The following NWD2 variants were observed in gnomAD, a reference collection of about 807,000 sequenced individuals.
NWD2 encodes NACHT and WD repeat domain-containing protein 2.
NWD2 carries 37 observed loss-of-function variants against 132.7 expected under a neutral mutation model. That is an observed-to-expected ratio of 0.28 (90% CI 0.21 to 0.37). NWD2 has a LOEUF of 0.37. Among genes scored for constraint, NWD2 ranks in the 10% least tolerant of loss-of-function variants. The probability of loss-of-function intolerance (pLI) is 1.00; values close to 1 mark genes in which losing one functional copy is unlikely to be tolerated. For synonymous variants in NWD2, 705 were observed against 803.0 expected (o/e 0.88, Z 2.06); for missense variants, 1,592 against 2,122.4 (o/e 0.75, Z 4.91).
chr4:37,426,652 G>T (rs1279869924), intron 3 of NWD2, among the ~76,000 whole-genome samples: 1 of 152,052 alleles, frequency 6.6e-6, no homozygotes, highest in Non-Finnish European at 1.5e-5. Flanking sequence ...TATATGCACT[G>T]CCCATAGCAA....
intron 2 of NWD2, among the ~76,000 whole-genome samples, chr4:37,345,999 T>A (rs538714745): frequency 4.5e-4 from 68 of 151,882 alleles, no homozygotes; most frequent in African/African-American, 1.6e-3. Flanking sequence ...GGAGAATCGC[T>A]TGAACCTGGG....
At chr4:37,399,132 C>T (rs1399756528) in intron 3 of NWD2, among the ~76,000 whole-genome samples, 5 of 152,128 alleles carry the variant, frequency 3.3e-5, no homozygotes, top group Admixed American at 6.5e-5. Flanking sequence ...CATTTAGAGA[C>T]GTTGCAGATG....
intron 2 of NWD2, among the ~76,000 whole-genome samples, chr4:37,332,958 T>A (rs935740246): frequency 6.6e-6 from 1 of 152,176 alleles, no homozygotes; most frequent in East Asian, 1.9e-4. Context: ...AGGCAGTACT[T>A]GCTGTGAGCT....
Position 37,430,668 on chromosome 4 carries a change from C to T in NWD2, c.454C>T (p.Leu152=). 2 of 1,551,540 alleles carry T rather than the reference C, an allele frequency of 1.3e-6. No individual in the cohort carries two copies. The highest frequency in any genetic ancestry group is 1.7e-6 in the Non-Finnish European group (2 of 1,146,862). The change falls in exon 4 of 7, where the codon CTG becomes TTG. Residue 152 remains leucine (L), a synonymous_variant. Transcript: ENST00000309447. The part of the protein sequence containing the change: ...MILDAAIEAK[L]ETKLLEEWYC... ...TTTGGATGCCGCCATAGAGGCAAAG[C>T]TGGAGACCAAGTTGCTGGAGGAGTG...
chr4:37,340,634 G>A (rs1719501615), intron 2 of NWD2, among the ~76,000 whole-genome samples: 1 of 152,188 alleles, frequency 6.6e-6, no homozygotes, highest in African/African-American at 2.4e-5. Context: ...AAGGCCTGTG[G>A]AGGAGTTGAT....
rs1259222004 is a variant in NWD2, at chr4:37,445,769, C to T, written c.3781C>T (p.Arg1261Trp). 5 of 1,551,526 alleles carry T rather than the reference C, an allele frequency of 3.2e-6. No individual in the cohort carries two copies. In the Admixed American group the frequency reaches 5.9e-5, roughly 18 times the overall value. ...TACCTCAGCTGTGTTTTTTTGGAGG[C>T]GGGACACAGGACAGTGTATGGCAAG... ...ENTSAVFFWR[R>W]DTGQCMASLQ... The change falls in exon 7 of 7, where the codon CGG (arginine) becomes TGG (tryptophan). Residue 1261 changes from arginine to tryptophan, a missense_variant. By Grantham distance (101) the Arg-to-Trp change is moderately radical. This residue lies in a region of NWD2 where 1,071 missense variants were observed against 1,398.0 expected (regional missense o/e 0.77). Coordinates refer to ENST00000309447, the MANE Select transcript of NWD2 (RefSeq NM_001144990.2). The surrounding 1 kb of genome is among the most constrained non-coding windows in gnomAD (Gnocchi z 4.7).
chr4:37,254,066 G>A lies in NWD2; in HGVS notation c.151+8848G>A, dbSNP rs191185478. ...GCGTTTTGGAGGGTGGAGACTGGGA[G>A]GAGGAAGAGGATCAGGAAAAATAAC... On this transcript the variant is annotated intron_variant, in intron 1 of 6. Coordinates refer to ENST00000309447, the MANE Select transcript of NWD2 (RefSeq NM_001144990.2). Among the ~76,000 whole-genome samples the A allele has an allele frequency of 3.0e-4, 45 of 152,328 alleles. 1 individual carries two copies. Among genetic ancestry groups the A allele is most frequent in the African/African-American group, 1.1e-3 (45 of 41,570 alleles).
rs1016677950 is a variant in NWD2 at position 37,447,525 on chromosome 4, T to G, written c.*308T>G. ...GCATAATACATCCCACTGGTTAAGATGAGAGAGGCTAGAGTTATATACAGA... is the reference window on the plus strand; with the variant it reads ...GCATAATACATCCCACTGGTTAAGAGGAGAGAGGCTAGAGTTATATACAGA... On this transcript the variant is annotated 3_prime_UTR_variant, in exon 7 of 7. Transcript: ENST00000309447. 3 of 371,036 alleles carry G rather than the reference T, an allele frequency of 8.1e-6. No individual in the cohort carries two copies. Among genetic ancestry groups the G allele is most frequent in the African/African-American group, 2.0e-5 (1 of 49,152 alleles). The allele number at this position is 371,036 out of a possible 1,614,324, so 23.0% of individuals were successfully genotyped here.
At chr4:37,311,183 G>A (rs1474127432) in intron 1 of NWD2, among the ~76,000 whole-genome samples, 1 of 152,130 alleles carries the variant, frequency 6.6e-6, no homozygotes, top group Admixed American at 6.5e-5. Context: ...GGTATTTCCA[G>A]TTCTAGATCC....
intron 2 of NWD2, among the ~76,000 whole-genome samples, chr4:37,355,986 C>T (rs1719864131): frequency 6.6e-6 from 1 of 151,838 alleles, no homozygotes; most frequent in Admixed American, 6.6e-5. Context: ...CAAATTAATA[C>T]TTATGGTAAC....
intron 1 of NWD2, among the ~76,000 whole-genome samples, chr4:37,262,391 A>G (rs1717657405): frequency 6.6e-6 from 1 of 152,164 alleles, no homozygotes; most frequent in Non-Finnish European, 1.5e-5. Flanking sequence ...CACCTTCATC[A>G]GCACTACCTT....
At chr4:37,420,339 GTAATTGCCCCTC>G (rs1711769429) in intron 3 of NWD2, among the ~76,000 whole-genome samples, 1 of 152,120 alleles carries the variant, frequency 6.6e-6, no homozygotes, top group Non-Finnish European at 1.5e-5. Flanking sequence ...TTTCCACTCT[GTAATTGCCCCTC>G]AAACTATCTA....
At chr4:37,349,709 T>G (rs1296582070) in intron 2 of NWD2, among the ~76,000 whole-genome samples, 2 of 152,242 alleles carry the variant, frequency 1.3e-5, no homozygotes, top group African/African-American at 4.8e-5. Context: ...ATTTGTCAAT[T>G]TTGGCTTTTG....
At chr4:37,353,154 T>C (rs1719803206) in intron 2 of NWD2, among the ~76,000 whole-genome samples, 1 of 152,214 alleles carries the variant, frequency 6.6e-6, no homozygotes, top group African/African-American at 2.4e-5. Flanking sequence ...TGAAAATTCT[T>C]TCTTTAAGAA....
chr4:37,364,955 AAG>A (rs1720066827), intron 3 of NWD2, among the ~76,000 whole-genome samples: 1 of 152,370 alleles, frequency 6.6e-6, no homozygotes, highest in East Asian at 1.9e-4. Context: ...CACTAGGCAG[AAG>A]AGTAAAGACA....
Position 37,446,748 on chromosome 4 carries a change from G to A in NWD2, c.4760G>A (p.Gly1587Glu), listed in dbSNP as rs748772871. ...RYLVYICFRN[G>E]EEEDENGAIF... ...CTGGTATACATTTGTTTCCGAAATG[G>A]GGAGGAGGAGGATGAAAATGGTGCA... The change falls in exon 7 of 7, where the codon GGG becomes GAG. Residue 1587 changes from glycine to glutamate, a missense_variant. Around this residue, in one of 7 missense-constraint regions of NWD2, gnomAD observed 257 missense variants for 335.0 expected, o/e 0.77. Coordinates refer to ENST00000309447, the MANE Select transcript of NWD2 (RefSeq NM_001144990.2). The surrounding 1 kb of genome is among the most constrained non-coding windows in gnomAD (Gnocchi z 6.7). The A allele has an allele frequency of 6.4e-7, 1 of 1,551,690 alleles. No homozygotes were observed.
intron 3 of NWD2, among the ~76,000 whole-genome samples, chr4:37,369,842 G>A (rs910168180): frequency 3.3e-5 from 5 of 152,166 alleles, no homozygotes; most frequent in Non-Finnish European, 5.9e-5. Context: ...ATGGCTGAAC[G>A]TGGGCAGTCA....
At chr4:37,252,373 CT>C (rs1259719049) in intron 1 of NWD2, among the ~76,000 whole-genome samples, 1 of 152,146 alleles carries the variant, frequency 6.6e-6, no homozygotes, top group Non-Finnish European at 1.5e-5. Flanking sequence ...GCTTATGGAT[CT>C]TTTAAAATTC....
intron 3 of NWD2, among the ~76,000 whole-genome samples, chr4:37,369,563 G>C (rs1203544759): frequency 6.6e-6 from 1 of 152,160 alleles, no homozygotes; most frequent in Non-Finnish European, 1.5e-5. Context: ...GTAACCAAGA[G>C]TGAATAAAGA....
Sources: gnomAD v4.1 joint callset for allele counts (sites outside exome capture counted in the v4.1 genomes callset) on GRCh38, gnomAD v4.1.1 for gene constraint, gnomAD v4.1.1 regional missense constraint, Gnocchi (gnomAD v3.1) non-coding constraint, MANE v1.5 for transcripts, NCBI Gene and HGNC (gene_info 2026-07-23, HGNC 2026-07-21) for gene names.